CCNB3: variants seen among roughly 807,000 people sequenced by gnomAD.
The protein encoded by CCNB3 is cyclin B3, also known as G2/mitotic-specific cyclin-B3.
Under a neutral mutation model 68.0 loss-of-function variants are expected in CCNB3, and 12 were observed. That is an observed-to-expected ratio of 0.18 (90% CI 0.11 to 0.29). The LOEUF is 0.29. CCNB3 is among the 10% of genes least tolerant of loss of function. The probability of loss-of-function intolerance (pLI) is 1.00; values close to 1 mark genes in which losing one functional copy is unlikely to be tolerated. For missense variants in CCNB3, 904 were observed against 993.1 expected (o/e 0.91, Z 1.21); for synonymous variants, 354 against 388.9 (o/e 0.91, Z 1.06).
intron 1 of CCNB3, among the ~76,000 whole-genome samples, chrX:50,208,954 G>A (rs1377235740): frequency 1.8e-5 from 2 of 111,615 alleles, no homozygotes; most frequent in African/African-American, 6.5e-5. Context: ...TTCCTATTGG[G>A]TGTGTTGTGG....
At position 50,341,285 on chromosome X, in the gene CCNB3, G is replaced by A. The variant is rs1397702154; in HGVS notation, c.3517-917G>A. 2.8e-5 allele frequency among the ~76,000 whole-genome samples: 3 copies of A among 108,284 alleles called. No homozygotes were observed. In the Admixed American group the frequency reaches 3.0e-4, roughly 11 times the overall value. 94.0% of individuals were successfully genotyped at this position (108,284 alleles called of 115,157 possible). A position where few individuals can be genotyped will look rare whatever the true frequency, so the allele number is the denominator to read the frequency against. On this transcript the variant is annotated intron_variant, in intron 8 of 12. Coordinates refer to ENST00000376042, the MANE Select transcript of CCNB3 (RefSeq NM_033031.3). ...GCGGAGCTTGCAGTGAGCCGAGATC[G>A]CACCACTGCACTCCAGCCTGGGAGA...
intron 5 of CCNB3, among the ~76,000 whole-genome samples, chrX:50,303,062 A>G (rs782046734): frequency 9.0e-6 from 1 of 111,229 alleles, no homozygotes; most frequent in Non-Finnish European, 1.9e-5. Flanking sequence ...TGGCTACGCC[A>G]TTTTACATTT....
intron 4 of CCNB3, among the ~76,000 whole-genome samples, chrX:50,290,832 A>C (rs781954857): frequency 9.0e-6 from 1 of 111,393 alleles, no homozygotes; most frequent in Non-Finnish European, 1.9e-5. Flanking sequence ...GTTTGCGCTC[A>C]AGTTCTGAAG....
intron 1 of CCNB3, among the ~76,000 whole-genome samples, chrX:50,220,951 A>T (rs1475221256): frequency 4.5e-5 from 5 of 110,550 alleles, no homozygotes; most frequent in Non-Finnish European, 7.6e-5. Context: ...CAATTTCAGG[A>T]CTTGTTGTTG....
At chrX:50,206,298 G>T (rs1935362290) in intron 1 of CCNB3, among the ~76,000 whole-genome samples, 2 of 110,030 alleles carry the variant, frequency 1.8e-5, no homozygotes, top group Admixed American at 1.9e-4. Context: ...ACAGCTGGGC[G>T]CTGCGGCTCA....
chrX:50,227,623 T>G (rs917882176), intron 1 of CCNB3, among the ~76,000 whole-genome samples: 36 of 76,217 alleles, frequency 4.7e-4, no homozygotes, highest in South Asian at 1.2e-3. Flanking sequence ...TAAATATATA[T>G]AGAGAGAATA....
chrX:50,205,035 T>A, intron 1 of CCNB3, 85 bp downstream of exon 1: 1 of 111,984 alleles, frequency 8.9e-6, no homozygotes, highest in Non-Finnish European at 1.9e-5. Flanking sequence ...ATATCCTGTG[T>A]CAGGCTGGAG....
chrX:50,224,704 G>T (rs891726591), intron 1 of CCNB3, among the ~76,000 whole-genome samples: 31 of 111,412 alleles, frequency 2.8e-4, no homozygotes, highest in Non-Finnish European at 4.1e-4. Flanking sequence ...TGGGATACTT[G>T]TCTACAATGA....
In CCNB3 at chrX:50,324,911, C is replaced by G. The variant is rs188673384; in HGVS notation, c.3516+10963C>G. Among the ~76,000 whole-genome samples, 243 of 110,630 alleles carry G rather than the reference C, an allele frequency of 2.2e-3. 3 individuals carry two copies. Among genetic ancestry groups the G allele is most frequent in the Middle Eastern group, 4.6e-3 (1 of 217 alleles). On this transcript the variant is annotated intron_variant, in intron 8 of 12. Transcript: ENST00000376042. ...AGTGCTTAACATTTTAAAAATATTT[C>G]CTTTTCTTTGATTTATCCTTTTATT...
At position 50,310,056 on chromosome X, in the gene CCNB3, A is replaced by G; in HGVS notation, c.1887A>G (p.Thr629=). ...TGTTGCCCTTTAAGATGAAATCTAC[A>G]ACGGAAGAAAAGTTCCTCTCCCAGG... is the stretch of plus-strand genomic sequence containing the variant. ...KKLLPFKMKS[T]TEEKFLSQEP... Residue 629 remains threonine (T), a synonymous_variant, in exon 6 of 13, where the codon ACA becomes ACG. Transcript: ENST00000376042. 8.3e-7 allele frequency: 1 copy of G among 1,209,219 alleles called. No individual in the cohort carries two copies. The highest frequency in any genetic ancestry group is 1.1e-6 in the Non-Finnish European group (1 of 893,705).
At chrX:50,215,920 G>T (rs992799419) in intron 1 of CCNB3, among the ~76,000 whole-genome samples, 6 of 103,975 alleles carry the variant, frequency 5.8e-5, no homozygotes, top group African/African-American at 2.1e-4. Flanking sequence ...CTTGTTGACA[G>T]CATGTCATTG....
chrX:50,294,792 G>A (rs181199953), intron 4 of CCNB3, 71 bp from the exon 5 acceptor site: 1 of 1,115,697 alleles, frequency 9.0e-7, no homozygotes, highest in East Asian at 3.0e-5. Flanking sequence ...CACCTTTTAG[G>A]TAATTTGTGG....
chrX:50,216,175 G>A (rs1935567611), intron 1 of CCNB3, among the ~76,000 whole-genome samples: 1 of 108,807 alleles, frequency 9.2e-6, no homozygotes, highest in Non-Finnish European at 1.9e-5. Context: ...GGCTGGTCTC[G>A]AATTCCTGAC....
chrX:50,226,190 A>AAT (rs1178932680), intron 1 of CCNB3, among the ~76,000 whole-genome samples: 1,314 of 28,645 alleles, frequency 0.046, 102 homozygotes, highest in African/African-American at 0.12. Context: ...TAGATATATA[A>AAT]ATATATATAG....
At chrX:50,214,474 C>CTATATATATATATA (rs1935530522) in intron 1 of CCNB3, among the ~76,000 whole-genome samples, 1 of 1,915 alleles carries the variant, frequency 5.2e-4, no homozygotes, top group African/African-American at 8.6e-4. Context: ...TAGCTGTGGC[C>CTATATATATATATA]CATATATATA....
At chrX:50,295,541 C>A (rs192399414) in intron 5 of CCNB3, among the ~76,000 whole-genome samples, 1 of 111,525 alleles carries the variant, frequency 9.0e-6, no homozygotes, top group Non-Finnish European at 1.9e-5. Context: ...AGACTTTATC[C>A]CCTCCTCATT....
At chrX:50,330,596 C>T (rs1177677871) in intron 8 of CCNB3, among the ~76,000 whole-genome samples, 2 of 111,798 alleles carry the variant, frequency 1.8e-5, no homozygotes, top group Non-Finnish European at 3.8e-5. Flanking sequence ...ACTAAGGTAG[C>T]GATGAAGCTT....
intron 1 of CCNB3, among the ~76,000 whole-genome samples, chrX:50,211,659 T>G (rs1301380749): frequency 9.0e-6 from 1 of 111,437 alleles, no homozygotes; most frequent in African/African-American, 3.3e-5. Context: ...CCAGCCTCCT[T>G]TGCGTCTTGC....
chrX:50,347,631 C>T lies in CCNB3; in HGVS notation c.3816C>T (p.Ile1272=), dbSNP rs1557220559. 1.7e-6 allele frequency: 2 copies of T among 1,208,534 alleles called. No homozygotes were observed. The highest frequency in any genetic ancestry group is 2.2e-6 in the Non-Finnish European group (2 of 893,986). The change falls in exon 11 of 13, where the codon ATC becomes ATT. Residue 1272 remains isoleucine, a synonymous_variant. Transcript: ENST00000376042. ...YHFLRRYARC[I]HTNMKTLTLS... ...AGTCTTCTCATTGCCTTTAGTGTAT[C>T]CACACCAACATGAAGACACTGACCT...
Sources: allele counts gnomAD v4.1 joint callset (sites outside exome capture counted in the v4.1 genomes callset), GRCh38; gene constraint gnomAD v4.1.1; transcripts MANE v1.5; gene names NCBI Gene and HGNC (gene_info 2026-07-23, HGNC 2026-07-21).